The following ACACA variants were observed in gnomAD, a reference collection of about 807,000 sequenced individuals.
ACACA encodes acetyl-CoA carboxylase alpha.
In ACACA, 103 loss-of-function variants were observed where a neutral mutation model predicts 296.1. The observed-to-expected ratio is 0.35, with a 90% CI of 0.30 to 0.41. ACACA has a LOEUF of 0.41. Among genes scored for constraint, ACACA ranks in the 10% least tolerant of loss-of-function variants. The pLI, the probability that ACACA is intolerant of heterozygous loss-of-function variation, is 1.00. For synonymous variants in ACACA, 953 were observed against 1,038.6 expected, an observed-to-expected ratio of 0.92 and a Z score of 1.58; for missense variants, 1,554 against 2,989.7, an observed-to-expected ratio of 0.52 and a Z score of 11.20.
At chr17:37,118,187 C>T (rs978292803) in intron 50 of ACACA, among the ~76,000 whole-genome samples, 1 of 152,132 alleles carries the variant, frequency 6.6e-6, no homozygotes, top group African/African-American at 2.4e-5. Context: ...GATGCATCAG[C>T]ACCAAAATTA....
intron 47 of ACACA, among the ~76,000 whole-genome samples, chr17:37,126,868 C>T (rs568188547): frequency 3.3e-5 from 5 of 152,290 alleles, no homozygotes; most frequent in East Asian, 3.9e-4. Flanking sequence ...TTGTGTTGGG[C>T]GTCAGTTTGA....
At chr17:37,344,552 C>CT (rs1335301128) in intron 1 of ACACA, among the ~76,000 whole-genome samples, 1 of 151,418 alleles carries the variant, frequency 6.6e-6, no homozygotes, top group Non-Finnish European at 1.5e-5. Context: ...AGCGAGACTC[C>CT]TTCTCAAAAA....
At chr17:37,105,074 G>A (rs991233466) in intron 52 of ACACA, among the ~76,000 whole-genome samples, 6 of 151,946 alleles carry the variant, frequency 3.9e-5, no homozygotes, top group African/African-American at 4.8e-5. Flanking sequence ...CCTAGTCTGT[G>A]TATGAACAAA....
At chr17:37,261,777 A>G (rs1339943613) in intron 11 of ACACA, among the ~76,000 whole-genome samples, 1 of 152,206 alleles carries the variant, frequency 6.6e-6, no homozygotes, top group African/African-American at 2.4e-5. Context: ...TGCAATTCCT[A>G]CCTAAAAAGG....
chr17:37,277,149 T>A, intron 6 of ACACA, 35 bp from the exon 7 acceptor site: 1 of 1,586,820 alleles, frequency 6.3e-7, no homozygotes, highest in Non-Finnish European at 8.7e-7. Flanking sequence ...ATTCTTAAAA[T>A]TCATACAAAA....
chr17:37,391,821 C>T (rs945602286), intron 1 of ACACA: 9 of 1,095,794 alleles, frequency 8.2e-6, no homozygotes, highest in Non-Finnish European at 1.2e-5. Flanking sequence ...GTATCTTCAG[C>T]AGGGACATTA....
At chr17:37,402,162 T>C (rs2051313768) in intron 1 of ACACA, among the ~76,000 whole-genome samples, 2 of 152,170 alleles carry the variant, frequency 1.3e-5, no homozygotes, top group African/African-American at 4.8e-5. Flanking sequence ...TGGGTTCCTT[T>C]ACAGAGATAT....
intron 11 of ACACA, among the ~76,000 whole-genome samples, chr17:37,262,786 G>A (rs1412775222): frequency 2.6e-5 from 4 of 152,092 alleles, no homozygotes; most frequent in Non-Finnish European, 4.4e-5. Flanking sequence ...TTGGAGTGCA[G>A]TAGCATGATC....
At chr17:37,213,402 A>C (rs1767458938) in intron 29 of ACACA, among the ~76,000 whole-genome samples, 2 of 152,132 alleles carry the variant, frequency 1.3e-5, no homozygotes, top group South Asian at 4.1e-4. Flanking sequence ...AAGGCAATCA[A>C]GTATATTTTC....
At chr17:37,106,520 TA>T (rs933237519) in intron 52 of ACACA, among the ~76,000 whole-genome samples, 3 of 152,146 alleles carry the variant, frequency 2.0e-5, no homozygotes, top group Non-Finnish European at 2.9e-5. Context: ...TTCATATTTT[TA>T]AAAATCATTA....
intron 52 of ACACA, among the ~76,000 whole-genome samples, chr17:37,109,147 T>C (rs1408933426): frequency 6.6e-6 from 1 of 152,208 alleles, no homozygotes; most frequent in East Asian, 1.9e-4. Flanking sequence ...AGGAACTGGG[T>C]TCATAATATG....
In ACACA at chr17:37,235,006, G is replaced by T. The variant is rs151136472; in HGVS notation, c.3215C>A (p.Thr1072Asn). The change falls in exon 25 of 56, where the codon ACC becomes AAC. Residue 1072 changes from threonine (T) to asparagine (N), a missense_variant. This residue lies in a region of ACACA where 316 missense variants were observed against 540.9 expected (regional missense o/e 0.58). Transcript: ENST00000616317. Reference sequence around the variant, plus strand: ...CATTGTGACCAGAAGATTCTTCTTGGTGACTTGAGCGTGAGAGAAGATGTA... The same window carrying T: ...CATTGTGACCAGAAGATTCTTCTTGTTGACTTGAGCGTGAGAGAAGATGTA... Reference protein sequence around the residue: ...LNYIFSHAQVTKKNLLVTMLI... With the variant: ...LNYIFSHAQVNKKNLLVTMLI... 27 of 1,613,644 alleles carry T rather than the reference G, an allele frequency of 1.7e-5. No individual in the cohort carries two copies. In the African/African-American group the frequency reaches 3.5e-4, roughly 21 times the overall value.
chr17:37,381,131 T>G (rs2050236524), intron 1 of ACACA, among the ~76,000 whole-genome samples: 1 of 152,016 alleles, frequency 6.6e-6, no homozygotes, highest in Non-Finnish European at 1.5e-5. Flanking sequence ...TACACTGTTC[T>G]GCCCCTTGCT....
intron 5 of ACACA, among the ~76,000 whole-genome samples, chr17:37,281,420 C>T (rs1301132471): frequency 1.3e-5 from 2 of 152,092 alleles, no homozygotes; most frequent in Non-Finnish European, 2.9e-5. Context: ...GTGTTCTCAC[C>T]GGACCCTGTG....
chr17:37,319,505 CTTT>C (rs1259077902), intron 3 of ACACA, among the ~76,000 whole-genome samples: 1 of 152,032 alleles, frequency 6.6e-6, no homozygotes, highest in Non-Finnish European at 1.5e-5. Flanking sequence ...TATTCTGCTT[CTTT>C]AATAAAGCAT....
At position 37,257,584 on chromosome 17, in the gene ACACA, A is replaced by G. The variant is rs1481125807; in HGVS notation, c.1826+119T>C. On this transcript the variant is annotated intron_variant, in intron 14 of 55. Coordinates refer to ENST00000616317, the MANE Select transcript of ACACA (RefSeq NM_198834.3). ...ATTAAAGATATTCAAAATTTCTTCA[A>G]AAAGGTTGTTCATATTATTACTTTG... 5 of 1,005,394 alleles carry G rather than the reference A, an allele frequency of 5.0e-6. No homozygotes were observed. In the African/African-American group the frequency reaches 6.5e-5, roughly 13 times the overall value. 62.3% of individuals were successfully genotyped at this position (1,005,394 alleles called of 1,614,324 possible).
intron 20 of ACACA, 102 bp from the exon 21 acceptor site, chr17:37,244,836 C>T (rs1463587223): frequency 4.6e-6 from 7 of 1,517,132 alleles, no homozygotes; most frequent in Admixed American, 1.7e-5. Context: ...AGACATCATA[C>T]CCAGCTACCA....
At chr17:37,279,511 G>A (rs1195980430) in intron 5 of ACACA, among the ~76,000 whole-genome samples, 1 of 152,070 alleles carries the variant, frequency 6.6e-6, no homozygotes, top group Non-Finnish European at 1.5e-5. Context: ...GCACAAGCCT[G>A]TAGTCCCACC....
intron 1 of ACACA, 108 bp from the exon 2 acceptor site, chr17:37,339,958 A>C (rs764009753): frequency 2.0e-4 from 123 of 605,976 alleles, no homozygotes; most frequent in Non-Finnish European, 3.2e-4. Flanking sequence ...TGAAGTATCT[A>C]TTTTACTGGT....
Sources: gnomAD v4.1 joint callset for allele counts (sites outside exome capture counted in the v4.1 genomes callset) on GRCh38, gnomAD v4.1.1 for gene constraint, gnomAD v4.1.1 regional missense constraint, MANE v1.5 for transcripts, NCBI Gene and HGNC (gene_info 2026-07-23, HGNC 2026-07-21) for gene names.